Variants in CDHR5 observed in about 807,000 individuals in gnomAD.
CDHR5 encodes the protein cadherin related family member 5, also known as cadherin-related family member 5.
CDHR5 carries 82 observed loss-of-function variants against 69.5 expected under a neutral mutation model. That is an observed-to-expected ratio of 1.18 (90% CI 0.99 to 1.42). The LOEUF (loss-of-function observed/expected upper bound fraction) is 1.42. Among genes scored for constraint, CDHR5 ranks in the 40% most tolerant of loss-of-function variants. CDHR5 has a pLI of 0.00. For missense variants in CDHR5, 1,293 were observed against 1,168.9 expected (o/e 1.11, Z -1.55); for synonymous variants, 601 against 510.2 (o/e 1.18, Z -2.40).
rs1564891908 is a variant in CDHR5, at chr11:617,761, GC to G, written c.2127del (p.Gln709HisfsTer66). 1 of 1,455,364 alleles carries G rather than the reference GC, an allele frequency of 6.9e-7. No homozygotes were observed. The highest frequency in any genetic ancestry group is 2.4e-5 in the East Asian group (1 of 40,844). 90.2% of individuals were successfully genotyped at this position (1,455,364 alleles called of 1,614,324 possible). ...KCCCGKAPEPQPQGFDNQAFL... is the reference protein window; with the variant it reads ...KCCCGKAPEPXPQGFDNQAFL... The stretch of plus-strand genomic sequence containing the variant: ...AACGCCTGGTTGTCAAAGCCTTGGG[GC>G]TGGGGCTCCTGCAGGCGGGAGTCGA... On this transcript the variant is annotated frameshift_variant, in exon 15 of 15. Transcript: ENST00000397542. LOFTEE classifies it low-confidence loss of function (END_TRUNC).
Position 618,022 on chromosome 11 carries a change from G to A in CDHR5, c.2050C>T (p.Leu684Phe). 1 of 1,612,476 alleles carries A rather than the reference G, an allele frequency of 6.2e-7. No homozygotes were observed. The highest frequency in any genetic ancestry group is 8.5e-7 in the Non-Finnish European group (1 of 1,179,818). The change falls in exon 14 of 15, where the codon CTT becomes TTT. Residue 684 changes from leucine to phenylalanine, a missense_variant. Leu to Phe is a conservative substitution (Grantham distance 22). Coordinates refer to ENST00000397542, the MANE Select transcript of CDHR5 (RefSeq NM_021924.5). ...VLGALLLLAL[L>F]GLAVLVHKHY... is the part of the protein sequence containing the mutation. Reference sequence around the variant, plus strand: ...TTGTGGACAAGGACGGCGAGGCCAAGGAGAGCCAGCAGCAGCAGCGCACCC... The same window carrying A: ...TTGTGGACAAGGACGGCGAGGCCAAAGAGAGCCAGCAGCAGCAGCGCACCC...
chr11:618,513 C>T lies in CDHR5; in HGVS notation c.1960+86G>A, dbSNP rs1857123819. 3 of 1,494,516 alleles carry T rather than the reference C, an allele frequency of 2.0e-6. No individual in the cohort carries two copies. The African/African-American group carries it at 4.1e-5, about 21-fold the overall frequency. The allele number at this position is 1,494,516 out of a possible 1,614,324, so 92.6% of individuals were successfully genotyped here. A position where few individuals can be genotyped will look rare whatever the true frequency, so the allele number is the denominator to read the frequency against. ...TTGGGATTTCATGGTCAGGCCAGGT[C>T]AGCCTGGGGTGGACCCTTCCTACAG... On this transcript the variant is annotated intron_variant, in intron 13 of 14. Coordinates refer to ENST00000397542, the MANE Select transcript of CDHR5 (RefSeq NM_021924.5).
Position 624,776 on chromosome 11 carries a change from C to T in CDHR5, c.85+42G>A. On this transcript the variant is annotated intron_variant, in intron 1 of 14. Coordinates refer to ENST00000397542, the MANE Select transcript of CDHR5 (RefSeq NM_021924.5). This position sits in a 1 kb window ranked among gnomAD's most constrained non-coding sequence, Gnocchi z 5.3. ...GGGATCAGTGCCTCCCAGCCCCTGG[C>T]TCCCCGCCGCCCGTGCCCCACCTAC... 1.9e-6 allele frequency: 3 copies of T among 1,604,366 alleles called. No individual in the cohort carries two copies. Among genetic ancestry groups the T allele is most frequent in the Middle Eastern group, 1.7e-4 (1 of 5,998 alleles).
rs745590195 is a variant in CDHR5, at chr11:621,762, C to T, written c.405+50G>A. ...CCACCACTCACCTCCTGCCCTCACC[C>T]TGGGCTCCCACACCCCCGTGCCCAG... On this transcript the variant is annotated intron_variant, in intron 4 of 14. Transcript: ENST00000397542. The surrounding 1 kb of genome is among the most constrained non-coding windows in gnomAD (Gnocchi z 4.4). The T allele has an allele frequency of 2.5e-6, 4 of 1,573,524 alleles. No homozygotes were observed. In the East Asian group the frequency reaches 9.0e-5, roughly 35 times the overall value.
rs764603244 is a variant in CDHR5, at chr11:624,740, G to A, written c.86-8C>T. ...CCTTGTTCACAGAGCAGTCTGTAAG[G>A]TTGCAGAGGAGGGATCAGTGCCTCC... On this transcript the variant is annotated splice_polypyrimidine_tract_variant and splice_region_variant and intron_variant, in intron 1 of 14. Transcript: ENST00000397542. The surrounding 1 kb of genome is among the most constrained non-coding windows in gnomAD (Gnocchi z 5.3). 2 of 1,604,752 alleles carry A rather than the reference G, an allele frequency of 1.2e-6. No individual in the cohort carries two copies. Among genetic ancestry groups the A allele is most frequent in the South Asian group, 2.2e-5 (2 of 90,306 alleles).
At chr11:622,950 A>C (rs1166057468) in intron 3 of CDHR5, among the ~76,000 whole-genome samples, 1 of 151,932 alleles carries the variant, frequency 6.6e-6, no homozygotes, top group Non-Finnish European at 1.5e-5. Flanking sequence ...AATTCTCCTG[A>C]GTTTCTGTTC....
rs756616027 is a variant in CDHR5 at position 617,470 on chromosome 11, TGAG to T, written c.2416_2418del (p.Leu806del). The stretch of plus-strand genomic sequence containing the variant: ...CCATCCACGTCCAGGGTGGGCGCGT[TGAG>T]AACGACCACGTCTGCCTCCGTCCCG... On this transcript the variant is annotated inframe_deletion, in exon 15 of 15. Coordinates refer to ENST00000397542, the MANE Select transcript of CDHR5 (RefSeq NM_021924.5). The T allele has an allele frequency of 1.9e-6, 3 of 1,612,542 alleles. No individual in the cohort carries two copies. The highest frequency in any genetic ancestry group is 2.7e-5 in the African/African-American group (2 of 74,906).
chr11:622,112 A>G (rs987465899), intron 3 of CDHR5, among the ~76,000 whole-genome samples: 3 of 151,760 alleles, frequency 2.0e-5, no homozygotes, highest in Non-Finnish European at 4.4e-5. Context: ...GCCGTGAGTG[A>G]GGTGCACCCC....
In CDHR5 at chr11:618,777, T is replaced by C. The variant is rs1432527291; in HGVS notation, c.1782A>G (p.Pro594=). ...PSMGTSTSHQ[P]ATPGGGTAQT... ...GTGCTGTGCCCCCACCGGGTGTGGCTGGTTGGTGGGAGGTGCTGGTTCCCA... is the reference window on the plus strand; with the variant it reads ...GTGCTGTGCCCCCACCGGGTGTGGCCGGTTGGTGGGAGGTGCTGGTTCCCA... The change falls in exon 13 of 15, where the codon CCA becomes CCG. Residue 594 remains proline (P), a synonymous_variant. Coordinates refer to ENST00000397542, the MANE Select transcript of CDHR5 (RefSeq NM_021924.5). The C allele has an allele frequency of 6.2e-7, 1 of 1,602,806 alleles. No homozygotes were observed. Among genetic ancestry groups the C allele is most frequent in the Non-Finnish European group, 8.5e-7 (1 of 1,177,362 alleles).
rs752526443 is a variant in CDHR5 at position 621,552 on chromosome 11, C to T, written c.507+10G>A. The T allele has an allele frequency of 3.8e-5, 61 of 1,606,576 alleles. No individual in the cohort carries two copies. The highest frequency in any genetic ancestry group is 6.7e-5 in the East Asian group (3 of 44,836). On this transcript the variant is annotated intron_variant, in intron 5 of 14. Transcript: ENST00000397542. The surrounding 1 kb of genome is among the most constrained non-coding windows in gnomAD (Gnocchi z 4.4). ...GGGGCTCGTGCTGGGGCAGGGTGGG[C>T]GGCACTGACTGCTGTCATTTCCTGG...
Position 621,607 on chromosome 11 carries a change from G to A in CDHR5, c.462C>T (p.Arg154=), listed in dbSNP as rs200792955. ...TGTAGAACAGAATGTCGTCCTTGTCGCGGTCCTCAGCCTGCAGTTGCGTCT... is the reference window on the plus strand; with the variant it reads ...TGTAGAACAGAATGTCGTCCTTGTCACGGTCCTCAGCCTGCAGTTGCGTCT... The part of the protein sequence containing the change: ...IPETQLQAED[R]DKDDILFYTL... The change falls in exon 5 of 15, where the codon CGC becomes CGT. Residue 154 remains arginine, a synonymous_variant. Transcript: ENST00000397542. The surrounding 1 kb of genome is among the most constrained non-coding windows in gnomAD (Gnocchi z 4.4). 40 of 1,613,638 alleles carry A rather than the reference G, an allele frequency of 2.5e-5. No individual in the cohort carries two copies. Among genetic ancestry groups the A allele is most frequent in the Admixed American group, 1.7e-4 (10 of 59,992 alleles).
chr11:618,544 C>A, intron 13 of CDHR5, 55 bp downstream of exon 13: 1 of 1,597,874 alleles, frequency 6.3e-7, no homozygotes, highest in South Asian at 1.1e-5. Flanking sequence ...TACAGCGTTT[C>A]CCATACCAGC....
At chr11:617,893 C>T in intron 14 of CDHR5, 61 bp downstream of exon 14, 2 of 1,567,144 alleles carry the variant, frequency 1.3e-6, no homozygotes, top group Non-Finnish European at 1.7e-6. Flanking sequence ...CTCCCCTCTC[C>T]TGTCCCCCGT....
chr11:623,765 A>G (rs11246217), intron 3 of CDHR5, among the ~76,000 whole-genome samples: 44,171 of 151,904 alleles, frequency 0.29, 6,991 homozygotes, highest in African/African-American at 0.4. Flanking sequence ...CCGGTGGGCC[A>G]GCTGGAAGTT....
At chr11:620,983 A>C (rs1857339948) in intron 7 of CDHR5, 97 bp downstream of exon 7, 7 of 536,886 alleles carry the variant, frequency 1.3e-5, no homozygotes, top group African/African-American at 3.9e-5. Flanking sequence ...CCACCCCCTG[A>C]CCCCGACCCC....
chr11:620,421 G>A (rs1198277322), intron 7 of CDHR5, 35 bp from the exon 8 acceptor site: 8 of 1,473,376 alleles, frequency 5.4e-6, no homozygotes, highest in African/African-American at 1.4e-5. Context: ...CACGTCGTGG[G>A]GCTGGGGTGG....
At chr11:619,631 G>A (rs766317574) in intron 10 of CDHR5, 44 bp from the exon 11 acceptor site, 14 of 1,606,480 alleles carry the variant, frequency 8.7e-6, no homozygotes, top group East Asian at 6.7e-5. Flanking sequence ...TGCCTCCCAC[G>A]TACAGCCCTG....
rs976100442 is a variant in CDHR5 at position 620,287 on chromosome 11, C to T, written c.880+9G>A. On this transcript the variant is annotated intron_variant, in intron 8 of 14. Coordinates refer to ENST00000397542, the MANE Select transcript of CDHR5 (RefSeq NM_021924.5). Reference sequence around the variant, plus strand: ...TACAGGGCATTGTTGAGGGCTGGGCCCCACTCACCCCTAAAGATGCTGTAG... The same window carrying T: ...TACAGGGCATTGTTGAGGGCTGGGCTCCACTCACCCCTAAAGATGCTGTAG... The T allele has an allele frequency of 2.5e-6, 4 of 1,605,888 alleles. No homozygotes were observed. The highest frequency in any genetic ancestry group is 3.4e-6 in the Non-Finnish European group (4 of 1,174,416).
chr11:618,054 C>G lies in CDHR5; in HGVS notation c.2018G>C (p.Gly673Ala), dbSNP rs370625525. ...FSVVDMAALG[G>A]VLGALLLLAL... is the part of the protein sequence containing the mutation. Reference sequence around the variant, plus strand: ...CAGCAGCAGCAGCGCACCCAGCACCCCGCCCAGGGCCGCCATATCCACCAC... The same window carrying G: ...CAGCAGCAGCAGCGCACCCAGCACCGCGCCCAGGGCCGCCATATCCACCAC... Residue 673 changes from glycine to alanine, a missense_variant, in exon 14 of 15, where the codon GGG (glycine) becomes GCG (alanine). By Grantham distance (60) the Gly-to-Ala change is moderately conservative. Coordinates refer to ENST00000397542, the MANE Select transcript of CDHR5 (RefSeq NM_021924.5). 5.6e-6 allele frequency: 9 copies of G among 1,612,084 alleles called. No homozygotes were observed. Among genetic ancestry groups the G allele is most frequent in the Non-Finnish European group, 7.6e-6 (9 of 1,179,644 alleles).
Sources: gnomAD v4.1 joint callset for allele counts (sites outside exome capture counted in the v4.1 genomes callset) on GRCh38, gnomAD v4.1.1 for gene constraint, Gnocchi (gnomAD v3.1) non-coding constraint, MANE v1.5 for transcripts, NCBI Gene and HGNC (gene_info 2026-07-23, HGNC 2026-07-21) for gene names.